The following ADGRV1 variants were observed in gnomAD, a reference collection of about 807,000 sequenced individuals.
ADGRV1 encodes the protein G-protein coupled receptor 98.
A neutral mutation model predicts 596.2 loss-of-function variants in ADGRV1; 359 were observed. That is an observed-to-expected ratio of 0.60 (90% CI 0.55 to 0.66). ADGRV1 has a LOEUF of 0.66. ADGRV1 is among the 30% of genes least tolerant of loss of function. The pLI is 0.00. For missense variants in ADGRV1, 7,274 were observed against 7,575.6 expected (o/e 0.96, Z 1.48); for synonymous variants, 2,681 against 2,679.2 (o/e 1.00, Z -0.02).
chr5:90,979,578 G>T (rs1779920999), intron 84 of ADGRV1, among the ~76,000 whole-genome samples: 1 of 152,166 alleles, frequency 6.6e-6, no homozygotes, highest in Non-Finnish European at 1.5e-5. Context: ...AGATGAAAAA[G>T]CTATGCTGTT....
chr5:90,627,619 A>G lies in ADGRV1; in HGVS notation c.1081A>G (p.Met361Val). The stretch of plus-strand genomic sequence containing the variant: ...GGAGATTGCTGAATCGTTTCACATT[A>G]TGTTACTAAAAGATACCTTACAGGG... ...IPEIAESFHI[M>V]LLKDTLQGDA... The change falls in exon 7 of 90, where the codon ATG (methionine) becomes GTG (valine). Residue 361 changes from methionine to valine, a missense_variant. By Grantham distance (21) the Met-to-Val change is conservative (BLOSUM62 1). Around this residue, in one of 5 missense-constraint regions of ADGRV1, gnomAD observed 1,715 missense variants for 1,708.8 expected, o/e 1.00. Transcript: ENST00000405460. 6.2e-7 allele frequency: 1 copy of G among 1,613,904 alleles called. No homozygotes were observed. The highest frequency in any genetic ancestry group is 8.5e-7 in the Non-Finnish European group (1 of 1,179,858).
At chr5:90,763,577 G>A (rs1304393515) in intron 59 of ADGRV1, 108 bp downstream of exon 59, 2 of 1,098,522 alleles carry the variant, frequency 1.8e-6, no homozygotes, top group East Asian at 4.9e-5. Flanking sequence ...TGTTACATGG[G>A]TATATTGCAT....
At chr5:90,960,603 T>A (rs1262585084) in intron 83 of ADGRV1, among the ~76,000 whole-genome samples, 5 of 152,202 alleles carry the variant, frequency 3.3e-5, no homozygotes, top group African/African-American at 1.2e-4. Context: ...AAAGTTTGTT[T>A]ATGATTGAAA....
chr5:90,848,861 T>A, intron 79 of ADGRV1, 40 bp downstream of exon 79: 2 of 1,393,150 alleles, frequency 1.4e-6, no homozygotes, highest in Non-Finnish European at 2.0e-6. Flanking sequence ...CTTTTATGCA[T>A]TTTTTTCACT....
intron 2 of ADGRV1, 66 bp downstream of exon 2, chr5:90,615,085 G>T: frequency 9.6e-6 from 10 of 1,045,780 alleles, no homozygotes; most frequent in South Asian, 4.7e-5. Context: ...TTAATGGCAA[G>T]GATTTTTTTT....
At chr5:90,563,028 A>G (rs1308123827) in intron 1 of ADGRV1, among the ~76,000 whole-genome samples, 1 of 152,202 alleles carries the variant, frequency 6.6e-6, no homozygotes, top group Non-Finnish European at 1.5e-5. Context: ...CTTTAATCCA[A>G]CCATCTGTTC....
intron 1 of ADGRV1, among the ~76,000 whole-genome samples, chr5:90,597,114 T>A (rs897769869): frequency 6.6e-6 from 1 of 152,190 alleles, no homozygotes; most frequent in African/African-American, 2.4e-5. Context: ...GACATTTGTT[T>A]GGAGATGTGT....
intron 84 of ADGRV1, among the ~76,000 whole-genome samples, chr5:90,969,922 G>A (rs13182884): frequency 3.3e-5 from 5 of 152,200 alleles, no homozygotes; most frequent in Admixed American, 6.5e-5. Flanking sequence ...GAAGCAGGGC[G>A]AGGCATCGCC....
intron 1 of ADGRV1, among the ~76,000 whole-genome samples, chr5:90,609,211 A>G (rs944289816): frequency 5.9e-5 from 9 of 152,020 alleles, no homozygotes; most frequent in Non-Finnish European, 1.2e-4. Context: ...GGAGCAGCAT[A>G]TGGCTGGTGG....
intron 83 of ADGRV1, among the ~76,000 whole-genome samples, chr5:90,932,457 T>G (rs1317870295): frequency 6.6e-6 from 1 of 152,176 alleles, no homozygotes; most frequent in Non-Finnish European, 1.5e-5. Flanking sequence ...TGTTGTTGTT[T>G]AAAACAAACC....
chr5:90,798,962 C>G (rs1761054634), intron 70 of ADGRV1, among the ~76,000 whole-genome samples: 1 of 152,134 alleles, frequency 6.6e-6, no homozygotes, highest in Admixed American at 6.5e-5. Context: ...AAACCCACAA[C>G]CAATATCATA....
chr5:90,642,532 C>T, intron 11 of ADGRV1, 104 bp from the exon 12 acceptor site: 1 of 1,236,894 alleles, frequency 8.1e-7, no homozygotes. Context: ...CATAGCCTTC[C>T]TTTTCATTAT....
intron 86 of ADGRV1, among the ~76,000 whole-genome samples, chr5:91,090,258 T>C (rs1790269584): frequency 6.6e-6 from 1 of 152,198 alleles, no homozygotes; most frequent in African/African-American, 2.4e-5. Context: ...AGTACATGGT[T>C]CAAATAGAAT....
At chr5:90,924,331 T>C (rs1453075556) in intron 83 of ADGRV1, among the ~76,000 whole-genome samples, 3 of 151,786 alleles carry the variant, frequency 2.0e-5, no homozygotes, top group Non-Finnish European at 2.9e-5. Flanking sequence ...TTCTAACTGG[T>C]GTGAGATGGT....
intron 2 of ADGRV1, chr5:90,617,174 G>A (rs1763469310): frequency 6.6e-6 from 1 of 152,014 alleles, no homozygotes; most frequent in African/African-American, 2.4e-5. Context: ...TGTTAGGTTT[G>A]CTGTTGTCTA....
intron 70 of ADGRV1, among the ~76,000 whole-genome samples, chr5:90,801,396 C>T (rs1197741957): frequency 2.0e-5 from 3 of 152,138 alleles, no homozygotes; most frequent in Admixed American, 2.0e-4. Context: ...AAGCTGACAC[C>T]TGGCTATTCA....
At chr5:91,157,830 C>G (rs1796597998) in intron 89 of ADGRV1, among the ~76,000 whole-genome samples, 1 of 152,182 alleles carries the variant, frequency 6.6e-6, no homozygotes. Context: ...AGCTGTCCTT[C>G]CCATACTATC....
In ADGRV1 at chr5:90,622,648, C is replaced by G. The variant is rs952062982; in HGVS notation, c.505C>G (p.Leu169Val). Residue 169 changes from leucine (L) to valine (V), a missense_variant, in exon 5 of 90, where the codon CTT (leucine) becomes GTT (valine). By Grantham distance (32) the Leu-to-Val change is conservative (BLOSUM62 1). Around this residue, in one of 5 missense-constraint regions of ADGRV1, gnomAD observed 1,715 missense variants for 1,708.8 expected, o/e 1.00. Transcript: ENST00000405460. ...CAAGGGCAGAAATGAGTCTATGCCTCTTACTCTCATCAGGGAAAAGGGAAC... is the reference window on the plus strand; with the variant it reads ...CAAGGGCAGAAATGAGTCTATGCCTGTTACTCTCATCAGGGAAAAGGGAAC... ...EPKGRNESMP[L>V]TLIREKGTYG... is the part of the protein sequence containing the mutation. 1.3e-6 allele frequency: 2 copies of G among 1,549,420 alleles called. No homozygotes were observed. Among genetic ancestry groups the G allele is most frequent in the Admixed American group, 1.8e-5 (1 of 55,022 alleles).
intron 26 of ADGRV1, among the ~76,000 whole-genome samples, chr5:90,680,725 C>T (rs2149572451): frequency 6.6e-6 from 1 of 152,274 alleles, no homozygotes; most frequent in East Asian, 1.9e-4. Flanking sequence ...ATTTTCTAGT[C>T]TGTAGACATT....
Sources: gnomAD v4.1 joint callset for allele counts (sites outside exome capture counted in the v4.1 genomes callset) on GRCh38, gnomAD v4.1.1 for gene constraint, gnomAD v4.1.1 regional missense constraint, MANE v1.5 for transcripts, NCBI Gene and HGNC (gene_info 2026-07-23, HGNC 2026-07-21) for gene names.